Variants in BTBD9 observed in about 807,000 individuals in gnomAD.
The protein encoded by BTBD9 is BTB/POZ domain-containing protein 9.
BTBD9 carries 49 observed loss-of-function variants against 64.3 expected under a neutral mutation model. The ratio of observed to expected loss-of-function variants is 0.76; its 90% CI spans 0.61 to 0.97. The LOEUF is 0.97. Among genes scored for constraint, BTBD9 ranks in the 50% least tolerant of loss-of-function variants. BTBD9 has a pLI of 0.00. For missense variants in BTBD9, 598 were observed against 762.1 expected, an observed-to-expected ratio of 0.78 and a Z score of 2.53; for synonymous variants, 260 against 274.7, an observed-to-expected ratio of 0.95 and a Z score of 0.53.
chr6:38,554,566 T>A (rs1774937880), intron 6 of BTBD9, among the ~76,000 whole-genome samples: 1 of 152,222 alleles, frequency 6.6e-6, no homozygotes. Context: ...CCCAAAAAAA[T>A]AATCTTCTGA....
At chr6:38,253,800 C>A (rs1764482532) in intron 9 of BTBD9, among the ~76,000 whole-genome samples, 1 of 151,966 alleles carries the variant, frequency 6.6e-6, no homozygotes, top group Admixed American at 6.6e-5. Context: ...CTTTGTTTCC[C>A]CCTTTTCATC....
At chr6:38,466,980 C>A (rs1770425643) in intron 6 of BTBD9, among the ~76,000 whole-genome samples, 1 of 152,150 alleles carries the variant, frequency 6.6e-6, no homozygotes, top group African/African-American at 2.4e-5. Flanking sequence ...GTGCAATTAA[C>A]AGCAACCAGT....
chr6:38,207,110 A>G (rs1015826432), intron 9 of BTBD9, among the ~76,000 whole-genome samples: 1 of 152,252 alleles, frequency 6.6e-6, no homozygotes, highest in African/African-American at 2.4e-5. Context: ...TTTGAACAGC[A>G]AGAGAGCCAC....
intron 8 of BTBD9, among the ~76,000 whole-genome samples, chr6:38,287,561 C>T (rs1348347086): frequency 6.6e-6 from 1 of 152,164 alleles, no homozygotes; most frequent in Non-Finnish European, 1.5e-5. Context: ...AGTATAGTAA[C>T]ATGCTGTACA....
chr6:38,568,570 G>A (rs2127463297), intron 6 of BTBD9, among the ~76,000 whole-genome samples: 1 of 152,212 alleles, frequency 6.6e-6, no homozygotes, highest in East Asian at 1.9e-4. Flanking sequence ...TTCCTTCCTT[G>A]CTTCAGGATT....
At chr6:38,214,301 C>T (rs1018952578) in intron 9 of BTBD9, among the ~76,000 whole-genome samples, 5 of 152,202 alleles carry the variant, frequency 3.3e-5, no homozygotes, top group African/African-American at 7.2e-5. Context: ...CACATCTCAG[C>T]GCCCTCAGCC....
intron 1 of BTBD9, among the ~76,000 whole-genome samples, chr6:38,632,522 G>C (rs973736666): frequency 3.3e-5 from 5 of 152,238 alleles, no homozygotes; most frequent in African/African-American, 1.2e-4. Flanking sequence ...TTGGGGTGAA[G>C]TTTTAAGGGA....
intron 10 of BTBD9, among the ~76,000 whole-genome samples, chr6:38,186,559 AG>A (rs1761829489): frequency 6.6e-6 from 1 of 152,074 alleles, no homozygotes; most frequent in Non-Finnish European, 1.5e-5. Context: ...TGACTGGGAG[AG>A]GGAGAGATGG....
At chr6:38,529,799 C>T (rs952689075) in intron 6 of BTBD9, among the ~76,000 whole-genome samples, 14 of 152,072 alleles carry the variant, frequency 9.2e-5, no homozygotes, top group African/African-American at 2.9e-4. Flanking sequence ...GTTAACTGTA[C>T]AAATTGATTG....
intron 6 of BTBD9, among the ~76,000 whole-genome samples, chr6:38,428,945 G>A (rs1286652717): frequency 5.3e-5 from 8 of 151,374 alleles, no homozygotes; most frequent in South Asian, 4.2e-4. Flanking sequence ...TCCTGAACTC[G>A]TGATCTGCCT....
chr6:38,229,727 G>A (rs754470775), intron 9 of BTBD9, among the ~76,000 whole-genome samples: 1 of 152,182 alleles, frequency 6.6e-6, no homozygotes. Flanking sequence ...CTCCCATCCT[G>A]TACTTGTAGA....
chr6:38,576,024 G>A (rs1776011501), intron 6 of BTBD9, among the ~76,000 whole-genome samples: 1 of 152,154 alleles, frequency 6.6e-6, no homozygotes, highest in South Asian at 2.1e-4. Flanking sequence ...TTTCAGGTGG[G>A]TAAAGCACAC....
chr6:38,325,641 T>C (rs1763395228), intron 7 of BTBD9, among the ~76,000 whole-genome samples: 2 of 152,252 alleles, frequency 1.3e-5, no homozygotes, highest in Non-Finnish European at 2.9e-5. Context: ...GCCAAGATCG[T>C]GCCACTGCAC....
At chr6:38,504,232 T>C (rs973667225) in intron 6 of BTBD9, among the ~76,000 whole-genome samples, 1 of 152,168 alleles carries the variant, frequency 6.6e-6, no homozygotes, top group Non-Finnish European at 1.5e-5. Context: ...AATCACACAA[T>C]TGGACTTCAT....
At chr6:38,542,520 G>GAGATTGC (rs1401974436) in intron 6 of BTBD9, among the ~76,000 whole-genome samples, 1 of 152,012 alleles carries the variant, frequency 6.6e-6, no homozygotes, top group Non-Finnish European at 1.5e-5. Context: ...CACTAATACA[G>GAGATTGC]AGATTGCAAA....
chr6:38,568,317 C>T (rs537841348), intron 6 of BTBD9, among the ~76,000 whole-genome samples: 1 of 152,304 alleles, frequency 6.6e-6, no homozygotes, highest in South Asian at 2.1e-4. Flanking sequence ...TCTACAAGAT[C>T]TAATTGTCCC....
At chr6:38,227,790 T>C (rs1763450068) in intron 9 of BTBD9, among the ~76,000 whole-genome samples, 3 of 152,226 alleles carry the variant, frequency 2.0e-5, no homozygotes, top group Admixed American at 2.0e-4. Flanking sequence ...GTGCTCTGAT[T>C]AGCAGCCAGA....
chr6:38,612,108 T>C (rs919396735), intron 1 of BTBD9, among the ~76,000 whole-genome samples: 1 of 152,230 alleles, frequency 6.6e-6, no homozygotes, highest in Non-Finnish European at 1.5e-5. Context: ...CAGGTGTTTC[T>C]AGATGGTGCA....
intron 10 of BTBD9, among the ~76,000 whole-genome samples, chr6:38,187,753 A>G (rs1317094444): frequency 1.3e-5 from 2 of 152,164 alleles, no homozygotes; most frequent in Non-Finnish European, 2.9e-5. Flanking sequence ...GCATTGGGGG[A>G]ATTTACTGAC....
Sources: allele counts gnomAD v4.1 joint callset (sites outside exome capture counted in the v4.1 genomes callset), GRCh38; gene constraint gnomAD v4.1.1; transcripts MANE v1.5; gene names NCBI Gene and HGNC (gene_info 2026-07-23, HGNC 2026-07-21).